Variants in MTUS2 observed in about 807,000 individuals in gnomAD.
MTUS2 encodes microtubule associated scaffold protein 2, also known as microtubule-associated tumor suppressor candidate 2.
MTUS2 carries 40 observed loss-of-function variants against 114.1 expected under a neutral mutation model. The observed-to-expected ratio is 0.35, with a 90% CI of 0.27 to 0.46. The LOEUF (loss-of-function observed/expected upper bound fraction) is 0.46. Among genes scored for constraint, MTUS2 ranks in the 20% least tolerant of loss-of-function variants. MTUS2 has a pLI of 1.00. For synonymous variants in MTUS2, 688 were observed against 672.0 expected, an observed-to-expected ratio of 1.02 and a Z score of -0.37; for missense variants, 1,679 against 1,705.4, an observed-to-expected ratio of 0.98 and a Z score of 0.27.
chr13:29,235,568 C>T (rs1028070997), intron 5 of MTUS2, among the ~76,000 whole-genome samples: 14 of 152,062 alleles, frequency 9.2e-5, no homozygotes, highest in Non-Finnish European at 1.6e-4. Context: ...AACTATTAAA[C>T]GTGTGGTCTG....
intron 3 of MTUS2, 128 bp from the exon 4 acceptor site, chr13:29,033,757 G>C: frequency 9.0e-7 from 1 of 1,112,352 alleles, no homozygotes; most frequent in Non-Finnish European, 1.3e-6. Context: ...GGGAAGGTAG[G>C]GGACTTGTGA....
chr13:28,896,551 C>CT (rs879322611), intron 2 of MTUS2, among the ~76,000 whole-genome samples: 2 of 152,224 alleles, frequency 1.3e-5, no homozygotes, highest in Non-Finnish European at 2.9e-5. Flanking sequence ...GAAAAAACTA[C>CT]TTTAAAGTTC....
rs543236621 is a variant in MTUS2 at position 28,909,165 on chromosome 13, C to T, written c.-243+69315C>T. On this transcript the variant is annotated intron_variant, in intron 2 of 15. Coordinates refer to ENST00000612955, the MANE Select transcript of MTUS2 (RefSeq NM_001033602.4). The stretch of plus-strand genomic sequence containing the variant: ...TTCTTTTGGCTTAGGATTGACTTGG[C>T]GATGCGGGCTTTTTTTTGGTTCCAT... Among the ~76,000 whole-genome samples, 11 of 151,534 alleles carry T rather than the reference C, an allele frequency of 7.3e-5. 1 individual carries two copies. Among genetic ancestry groups the T allele is most frequent in the African/African-American group, 9.7e-5 (4 of 41,148 alleles).
Position 29,284,609 on chromosome 13 carries a change from T to C in MTUS2, c.2806+2744T>C, listed in dbSNP as rs559543844. ...CAAATGGAAGTAATTGCATAGCCCGTTGATGGCATAACCACACAGAGAAGT... is the reference window on the plus strand; with the variant it reads ...CAAATGGAAGTAATTGCATAGCCCGCTGATGGCATAACCACACAGAGAAGT... On this transcript the variant is annotated intron_variant, in intron 6 of 15. Coordinates refer to ENST00000612955, the MANE Select transcript of MTUS2 (RefSeq NM_001033602.4). 1.2e-4 allele frequency among the ~76,000 whole-genome samples: 18 copies of C among 152,332 alleles called. No homozygotes were observed. In the South Asian group the frequency reaches 3.3e-3, roughly 28 times the overall value.
At chr13:29,270,050 C>A (rs546679332) in intron 5 of MTUS2, among the ~76,000 whole-genome samples, 1 of 152,042 alleles carries the variant, frequency 6.6e-6, no homozygotes, top group South Asian at 2.1e-4. Flanking sequence ...CCAGGGGCTA[C>A]AGGAAGGGGA....
In MTUS2 at chr13:29,422,243, A is replaced by G. The variant is rs535839624; in HGVS notation, c.3118-17740A>G. Among the ~76,000 whole-genome samples the G allele has an allele frequency of 2.6e-5, 4 of 152,352 alleles. No homozygotes were observed. In the East Asian group the frequency reaches 5.8e-4, roughly 22 times the overall value. ...AAGCTTTAGAGTTAGATCCGAGTTC[A>G]TGACCCCTCATAATCACTTCCTGGC... On this transcript the variant is annotated intron_variant, in intron 8 of 15. Coordinates refer to ENST00000612955, the MANE Select transcript of MTUS2 (RefSeq NM_001033602.4).
intron 5 of MTUS2, among the ~76,000 whole-genome samples, chr13:29,255,596 T>C (rs985692963): frequency 5.3e-5 from 8 of 152,092 alleles, no homozygotes; most frequent in East Asian, 1.9e-4. Flanking sequence ...GGAATTTGAG[T>C]GCACTTTCAT....
chr13:29,156,006 C>T lies in MTUS2; in HGVS notation c.2644+55036C>T, dbSNP rs77632681. ...CCATAAACAGCCGTTTGCCCATACC[C>T]ATGCACACTGGCTAAATATTGACCT... is the stretch of plus-strand genomic sequence containing the variant. On this transcript the variant is annotated intron_variant, in intron 5 of 15. Transcript: ENST00000612955. 8.0e-3 allele frequency among the ~76,000 whole-genome samples: 1,220 copies of T among 152,220 alleles called. 12 individuals are homozygous for T. Among genetic ancestry groups the T allele is most frequent in the African/African-American group, 0.027 (1,141 of 41,542 alleles).
intron 8 of MTUS2, among the ~76,000 whole-genome samples, chr13:29,377,873 A>G (rs937862366): frequency 1.3e-5 from 2 of 152,204 alleles, no homozygotes; most frequent in East Asian, 3.8e-4. Flanking sequence ...CTATAGTAAG[A>G]CTGACAAAGA....
At chr13:29,478,454 T>C (rs1880874343) in intron 9 of MTUS2, among the ~76,000 whole-genome samples, 1 of 152,166 alleles carries the variant, frequency 6.6e-6, no homozygotes, top group African/African-American at 2.4e-5. Context: ...TTCTATGTTT[T>C]CTCTGTGTGA....
At chr13:28,840,299 A>C (rs1704194060) in intron 2 of MTUS2, among the ~76,000 whole-genome samples, 1 of 152,190 alleles carries the variant, frequency 6.6e-6, no homozygotes, top group Non-Finnish European at 1.5e-5. Context: ...AAAAACGTGA[A>C]TGCAGTGCAA....
In MTUS2 at chr13:29,286,648, A is replaced by ATCTG. The variant is rs908168290; in HGVS notation, c.2806+4807_2806+4810dup. Among the ~76,000 whole-genome samples, 440 of 146,036 alleles carry ATCTG rather than the reference A, an allele frequency of 3.0e-3. 2 individuals carry two copies. Among genetic ancestry groups the ATCTG allele is most frequent in the Non-Finnish European group, 4.0e-3 (265 of 65,892 alleles). On this transcript the variant is annotated intron_variant, in intron 6 of 15. Transcript: ENST00000612955. ...GATTTCTGAAAGCCATGCACTATCT[A>ATCTG]TCTGTCTGTCTGTCTGTCTGTCTGT...
intron 2 of MTUS2, among the ~76,000 whole-genome samples, chr13:28,923,357 T>C (rs1375172096): frequency 6.6e-6 from 1 of 152,214 alleles, no homozygotes; most frequent in African/African-American, 2.4e-5. Flanking sequence ...TCTGGACATT[T>C]TGGTTATTCC....
At chr13:28,906,877 A>G (rs1880056358) in intron 2 of MTUS2, among the ~76,000 whole-genome samples, 1 of 151,540 alleles carries the variant, frequency 6.6e-6, no homozygotes, top group Admixed American at 6.6e-5. Flanking sequence ...GCAGGCCAAC[A>G]TTCAGATTCA....
At chr13:29,323,555 T>C (rs1342547184) in intron 6 of MTUS2, among the ~76,000 whole-genome samples, 2 of 152,316 alleles carry the variant, frequency 1.3e-5, no homozygotes, top group East Asian at 3.9e-4. Context: ...CAGCCTGATA[T>C]GGCTCTTTTT....
intron 5 of MTUS2, chr13:29,239,293 C>CG (rs1566084966): frequency 6.6e-6 from 1 of 152,102 alleles, no homozygotes; most frequent in East Asian, 1.9e-4. Context: ...TAAAGCCAAA[C>CG]AAAATTTATT....
chr13:29,251,432 A>G (rs546438845), intron 5 of MTUS2, among the ~76,000 whole-genome samples: 1 of 152,316 alleles, frequency 6.6e-6, no homozygotes, highest in South Asian at 2.1e-4. Context: ...AAAAACCTCA[A>G]TTACTTTCAC....
At chr13:29,200,477 C>T in intron 5 of MTUS2, among the ~76,000 whole-genome samples, 1 of 139,270 alleles carries the variant, frequency 7.2e-6, no homozygotes, top group Admixed American at 7.1e-5. Flanking sequence ...GCAGGTTGTT[C>T]AGTTTTTATA....
intron 5 of MTUS2, among the ~76,000 whole-genome samples, chr13:29,270,773 C>A (rs1307208489): frequency 6.6e-6 from 1 of 152,214 alleles, no homozygotes; most frequent in African/African-American, 2.4e-5. Flanking sequence ...TATCCTGCAT[C>A]TGGTGGCATC....
Sources: allele counts gnomAD v4.1 joint callset (sites outside exome capture counted in the v4.1 genomes callset), GRCh38; gene constraint gnomAD v4.1.1; transcripts MANE v1.5; gene names NCBI Gene and HGNC (gene_info 2026-07-23, HGNC 2026-07-21).